The following ABI3BP variants were observed in gnomAD, a reference collection of about 807,000 sequenced individuals.
ABI3BP encodes target of Nesh-SH3.
Under a neutral mutation model 268.6 loss-of-function variants are expected in ABI3BP, and 216 were observed. The observed-to-expected ratio is 0.80, with a 90% CI of 0.72 to 0.90. The LOEUF is 0.90. ABI3BP is among the 40% of genes least tolerant of loss of function. The pLI is 0.00. For missense variants in ABI3BP, 2,090 were observed against 2,182.4 expected (o/e 0.96, Z 0.84); for synonymous variants, 730 against 730.0 (o/e 1.00, Z 0.00).
At chr3:100,850,322 T>C (rs193147807) in intron 16 of ABI3BP, among the ~76,000 whole-genome samples, 1 of 152,318 alleles carries the variant, frequency 6.6e-6, no homozygotes, top group East Asian at 1.9e-4. Flanking sequence ...GTTCAGTAGA[T>C]GACTTCAGGC....
chr3:100,944,845 T>C, intron 1 of ABI3BP, among the ~76,000 whole-genome samples: 1 of 152,170 alleles, frequency 6.6e-6, no homozygotes, highest in Non-Finnish European at 1.5e-5. Context: ...TATGGCCAAG[T>C]GGCCTCATAT....
intron 4 of ABI3BP, among the ~76,000 whole-genome samples, chr3:100,888,847 C>T (rs1582052673): frequency 1.4e-5 from 2 of 144,148 alleles, no homozygotes; most frequent in East Asian, 2.0e-4. Context: ...AGAGATTAGG[C>T]CACTTAACTA....
rs2097854922 is a variant in ABI3BP, at chr3:100,811,241, T to G, written c.3530A>C (p.Glu1177Ala). The G allele has an allele frequency of 6.5e-7, 1 of 1,533,320 alleles. No homozygotes were observed. The highest frequency in any genetic ancestry group is 8.7e-7 in the Non-Finnish European group (1 of 1,145,440). The allele number at this position is 1,533,320 out of a possible 1,614,324, so 95.0% of individuals were successfully genotyped here. Reference protein sequence around the residue: ...ESITYVSEPPETTLETSPLPS... With the variant: ...ESITYVSEPPATTLETSPLPS... The stretch of plus-strand genomic sequence containing the variant: ...ACCGAGGTTATTACCTAGTGTGGTC[T>G]CAGGTGGTTCAGATACATATGTAAT... The change falls in exon 48 of 68, where the codon GAG becomes GCG. Residue 1177 changes from glutamate to alanine, a missense_variant. Physicochemically the swap from Glu to Ala is moderately radical, Grantham distance 107. Coordinates refer to ENST00000471714, the MANE Select transcript of ABI3BP (RefSeq NM_001375547.2).
intron 1 of ABI3BP, among the ~76,000 whole-genome samples, chr3:100,984,777 C>A (rs978258329): frequency 6.6e-6 from 1 of 152,104 alleles, no homozygotes; most frequent in African/African-American, 2.4e-5. Flanking sequence ...AGTCTGAGAA[C>A]CTTGAAGCCA....
intron 50 of ABI3BP, among the ~76,000 whole-genome samples, chr3:100,805,321 A>G (rs1189399371): frequency 6.6e-6 from 1 of 152,102 alleles, no homozygotes; most frequent in Non-Finnish European, 1.5e-5. Flanking sequence ...GGGCAACAGC[A>G]GAGTGGTAAG....
At chr3:100,785,520 A>G (rs1318296193) in intron 57 of ABI3BP, among the ~76,000 whole-genome samples, 2 of 152,220 alleles carry the variant, frequency 1.3e-5, no homozygotes, top group Non-Finnish European at 2.9e-5. Flanking sequence ...ATAATATGCT[A>G]CATAGATGAT....
chr3:100,965,754 C>T (rs967346619), intron 1 of ABI3BP, among the ~76,000 whole-genome samples: 3 of 151,502 alleles, frequency 2.0e-5, no homozygotes, highest in African/African-American at 4.8e-5. Flanking sequence ...CCTTGGGGAT[C>T]GTAACAGATG....
At position 100,830,834 on chromosome 3, in the gene ABI3BP, A is replaced by T. The variant is rs572452059; in HGVS notation, c.2402-200T>A. On this transcript the variant is annotated intron_variant, in intron 31 of 67. Coordinates refer to ENST00000471714, the MANE Select transcript of ABI3BP (RefSeq NM_001375547.2). ...CAGGTACTCGTTTGACTCAGAAGAC[A>T]GTCAGCAATAGCCTTTGGACTTCGC... Among the ~76,000 whole-genome samples, 3 of 152,286 alleles carry T rather than the reference A, an allele frequency of 2.0e-5. No individual in the cohort carries two copies. In the South Asian group the frequency reaches 6.2e-4, roughly 32 times the overall value.
Position 100,941,802 on chromosome 3 carries a change from C to A in ABI3BP, c.80-15321G>T, listed in dbSNP as rs574070480. Among the ~76,000 whole-genome samples the A allele has an allele frequency of 1.1e-3, 169 of 152,280 alleles. 2 individuals are homozygous for A. Among genetic ancestry groups the A allele is most frequent in the African/African-American group, 3.9e-3 (164 of 41,568 alleles). ...AAAACTGCTTTTCAAAGACTACTTT[C>A]TAAATCAACAGTCTCTCATTTTCAA... On this transcript the variant is annotated intron_variant, in intron 1 of 67. Transcript: ENST00000471714.
At position 100,832,289 on chromosome 3, in the gene ABI3BP, A is replaced by G; in HGVS notation, c.2376T>C (p.His792=). The G allele has an allele frequency of 6.5e-7, 1 of 1,535,528 alleles. No homozygotes were observed. The highest frequency in any genetic ancestry group is 8.7e-7 in the Non-Finnish European group (1 of 1,146,524). Residue 792 remains histidine (H), a synonymous_variant, in exon 31 of 68, where the codon CAT becomes CAC. Transcript: ENST00000471714. ...RPHPKPKTTP[H]PEVPQTKLVP... ...CCAGTTTAGTTTGAGGTACTTCTGG[A>G]TGGGGCGTGGTTTTAGGTTTGGGAT...
intron 61 of ABI3BP, 61 bp from the exon 62 acceptor site, chr3:100,771,013 G>T: frequency 7.6e-7 from 1 of 1,320,844 alleles, no homozygotes; most frequent in Non-Finnish European, 1.0e-6. Flanking sequence ...AGATAGAAGT[G>T]AGCTCATAAA....
At chr3:100,866,407 T>C (rs576918888) in intron 10 of ABI3BP, among the ~76,000 whole-genome samples, 2 of 152,228 alleles carry the variant, frequency 1.3e-5, no homozygotes, top group Non-Finnish European at 2.9e-5. Flanking sequence ...AACTATTCTA[T>C]ATTCTCTACA....
At chr3:100,980,146 AACCATACT>A (rs1247454965) in intron 1 of ABI3BP, among the ~76,000 whole-genome samples, 2 of 152,254 alleles carry the variant, frequency 1.3e-5, no homozygotes, top group African/African-American at 2.4e-5. Context: ...CAAAACCCTA[AACCATACT>A]ACTGCCAATA....
chr3:100,820,416 A>G, intron 39 of ABI3BP, 113 bp from the exon 40 acceptor site: 1 of 819,480 alleles, frequency 1.2e-6, no homozygotes, highest in Non-Finnish European at 1.8e-6. Flanking sequence ...ATATTTCAGG[A>G]AATTTGTCTT....
At chr3:100,895,546 AT>A (rs1028033081) in intron 4 of ABI3BP, among the ~76,000 whole-genome samples, 1 of 152,228 alleles carries the variant, frequency 6.6e-6, no homozygotes, top group Non-Finnish European at 1.5e-5. Flanking sequence ...AATGTAAATC[AT>A]TTTTTTAAAA....
chr3:100,960,189 A>C (rs936322611), intron 1 of ABI3BP, among the ~76,000 whole-genome samples: 8 of 152,224 alleles, frequency 5.3e-5, no homozygotes, highest in African/African-American at 1.9e-4. Context: ...TCAAAGTGAA[A>C]TATCAGAAAT....
chr3:100,799,370 C>G (rs985334623), intron 51 of ABI3BP, among the ~76,000 whole-genome samples: 1 of 152,156 alleles, frequency 6.6e-6, no homozygotes, highest in Admixed American at 6.6e-5. Flanking sequence ...TTGTACTGAT[C>G]TAAGGGCTGT....
At chr3:100,902,236 A>C (rs2050765355) in intron 3 of ABI3BP, among the ~76,000 whole-genome samples, 1 of 152,260 alleles carries the variant, frequency 6.6e-6, no homozygotes, top group South Asian at 2.1e-4. Context: ...AATAGTGAGC[A>C]TGAGTTCACA....
intron 19 of ABI3BP, among the ~76,000 whole-genome samples, chr3:100,847,307 T>C (rs1204168709): frequency 6.6e-6 from 1 of 152,158 alleles, no homozygotes; most frequent in Non-Finnish European, 1.5e-5. Flanking sequence ...AAGAGAACTA[T>C]ATACAAGATT....
Sources: gnomAD v4.1 joint callset for allele counts (sites outside exome capture counted in the v4.1 genomes callset) on GRCh38, gnomAD v4.1.1 for gene constraint, MANE v1.5 for transcripts, NCBI Gene and HGNC (gene_info 2026-07-23, HGNC 2026-07-21) for gene names.